PRPF6: variants seen among roughly 807,000 people sequenced by gnomAD.
The protein encoded by PRPF6 is pre-mRNA processing factor 6.
A neutral mutation model predicts 118.3 loss-of-function variants in PRPF6; 42 were observed. That is an observed-to-expected ratio of 0.35 (90% confidence interval 0.28 to 0.46). PRPF6 has a LOEUF of 0.46. Among genes scored for constraint, PRPF6 ranks in the 20% least tolerant of loss-of-function variants. The pLI is 1.00. For synonymous variants in PRPF6, 481 were observed against 485.1 expected, an observed-to-expected ratio of 0.99 and a Z score of 0.11; for missense variants, 662 against 1,255.7, an observed-to-expected ratio of 0.53 and a Z score of 7.15.
chr20:63,985,820 C>T (rs954417511), intron 3 of PRPF6, among the ~76,000 whole-genome samples: 1 of 152,054 alleles, frequency 6.6e-6, no homozygotes, highest in African/African-American at 2.4e-5. Context: ...TGAATTTTAC[C>T]AAATATTTGA....
rs540104056 is a variant in PRPF6 at position 64,013,326 on chromosome 20, A to G, written c.1524+1823A>G. Reference sequence around the variant, plus strand: ...TGGGTTCCCTCTAATGCCTTCTTTTAAGGAGTCACCCACTGAGTTATGTTT... The same window carrying G: ...TGGGTTCCCTCTAATGCCTTCTTTTGAGGAGTCACCCACTGAGTTATGTTT... On this transcript the variant is annotated intron_variant, in intron 11 of 20. Coordinates refer to ENST00000266079, the MANE Select transcript of PRPF6 (RefSeq NM_012469.4). Among the ~76,000 whole-genome samples, 4 of 152,332 alleles carry G rather than the reference A, an allele frequency of 2.6e-5. No homozygotes were observed. The East Asian group carries it at 7.7e-4, about 29-fold the overall frequency.
At chr20:63,985,652 G>C (rs1414610126) in intron 3 of PRPF6, among the ~76,000 whole-genome samples, 1 of 152,192 alleles carries the variant, frequency 6.6e-6, no homozygotes, top group Non-Finnish European at 1.5e-5. Flanking sequence ...TGAGTAATTT[G>C]CAAATGAATT....
At chr20:64,014,889 G>C (rs1447569255) in intron 11 of PRPF6, among the ~76,000 whole-genome samples, 1 of 152,172 alleles carries the variant, frequency 6.6e-6, no homozygotes, top group East Asian at 1.9e-4. Context: ...TGCTTCTACT[G>C]AGCGTGGTGG....
In PRPF6 at chr20:64,028,411, C is replaced by T. The variant is rs1174801560; in HGVS notation, c.2340-67C>T. 2 of 1,552,754 alleles carry T rather than the reference C, an allele frequency of 1.3e-6. No homozygotes were observed. Among genetic ancestry groups the T allele is most frequent in the Non-Finnish European group, 1.8e-6 (2 of 1,125,776 alleles). On this transcript the variant is annotated intron_variant, in intron 17 of 20. Transcript: ENST00000266079. The surrounding 1 kb of genome is among the most constrained non-coding windows in gnomAD (Gnocchi z 6.5). ...GGAGAGCCCTTTCAGACAAGGCTTC[C>T]CAGAAGCTACCAGAATATGTGCTGT... is the stretch of plus-strand genomic sequence containing the variant.
In PRPF6 at chr20:64,027,408, C is replaced by T. The variant is rs561321215; in HGVS notation, c.2206-195C>T. Among the ~76,000 whole-genome samples the T allele has an allele frequency of 8.5e-5, 13 of 152,318 alleles. No homozygotes were observed. The East Asian group carries it at 2.1e-3, about 25-fold the overall frequency. On this transcript the variant is annotated intron_variant, in intron 16 of 20. Transcript: ENST00000266079. The surrounding 1 kb of genome is among the most constrained non-coding windows in gnomAD (Gnocchi z 6.5). ...CACCTGCAGTAAAGGCTGGTACGTA[C>T]AGACCTGTGTGCACAGGTCCACAGC...
chr20:64,008,438 A>G (rs1443499087), intron 9 of PRPF6, among the ~76,000 whole-genome samples: 1 of 149,692 alleles, frequency 6.7e-6, no homozygotes, highest in African/African-American at 2.5e-5. Flanking sequence ...TTCTTTTTTT[A>G]TCAAGGAAAT....
Position 63,990,713 on chromosome 20 carries a change from C to T in PRPF6, c.360-2694C>T, listed in dbSNP as rs558323287. Among the ~76,000 whole-genome samples, 121 of 151,492 alleles carry T rather than the reference C, an allele frequency of 8.0e-4. 1 individual carries two copies. Among genetic ancestry groups the T allele is most frequent in the African/African-American group, 2.8e-3 (115 of 41,260 alleles). Reference sequence around the variant, plus strand: ...AGGCTGGAGTGCAATGGCGCAACCTCGGCTTACTGCAACCTCCGCCTCCAG... The same window carrying T: ...AGGCTGGAGTGCAATGGCGCAACCTTGGCTTACTGCAACCTCCGCCTCCAG... On this transcript the variant is annotated intron_variant, in intron 3 of 20. Transcript: ENST00000266079.
At chr20:63,997,163 C>T (rs932433670) in intron 6 of PRPF6, among the ~76,000 whole-genome samples, 4 of 152,124 alleles carry the variant, frequency 2.6e-5, no homozygotes, top group Non-Finnish European at 4.4e-5. Flanking sequence ...TGGCATCCAC[C>T]GTTCTCTCTG....
At chr20:64,007,554 C>G (rs2059196492) in intron 9 of PRPF6, among the ~76,000 whole-genome samples, 1 of 151,470 alleles carries the variant, frequency 6.6e-6, no homozygotes, top group Non-Finnish European at 1.5e-5. Context: ...GCAACCTCCA[C>G]CTCCTGGGCT....
At position 63,984,924 on chromosome 20, in the gene PRPF6, G is replaced by A; in HGVS notation, c.258G>A (p.Gly86=). The change falls in exon 3 of 21, where the codon GGG becomes GGA. Residue 86 remains glycine, a synonymous_variant. Transcript: ENST00000266079. The part of the protein sequence containing the change: ...TNYDEFNGYA[G]SLFSSGPYEK... ...CTTCTCAGTTTAATGGCTATGCTGG[G>A]AGCCTCTTCTCAAGTGGACCCTACG... is the stretch of plus-strand genomic sequence containing the variant. 1.2e-6 allele frequency: 2 copies of A among 1,613,566 alleles called. No homozygotes were observed. Among genetic ancestry groups the A allele is most frequent in the Non-Finnish European group, 1.7e-6 (2 of 1,179,618 alleles).
Position 63,982,929 on chromosome 20 carries a change from C to G in PRPF6, c.72-118C>G, listed in dbSNP as rs749839642. 366 of 1,234,938 alleles carry G rather than the reference C, an allele frequency of 3.0e-4. 1 individual carries two copies. Among genetic ancestry groups the G allele is most frequent in the Non-Finnish European group, 3.9e-4 (341 of 870,184 alleles). 76.5% of individuals were successfully genotyped at this position (1,234,938 alleles called of 1,614,324 possible). ...GACTGCAGTTCATTGTCACCAGGAT[C>G]TTTGGAGGTTTCCCAAAGGTGTTAG... On this transcript the variant is annotated intron_variant, in intron 1 of 20. Coordinates refer to ENST00000266079, the MANE Select transcript of PRPF6 (RefSeq NM_012469.4).
chr20:64,011,621 A>T lies in PRPF6; in HGVS notation c.1524+118A>T. On this transcript the variant is annotated intron_variant, in intron 11 of 20. Coordinates refer to ENST00000266079, the MANE Select transcript of PRPF6 (RefSeq NM_012469.4). The surrounding 1 kb of genome is among the most constrained non-coding windows in gnomAD (Gnocchi z 6.7). ...CTGGGGAGTCCTGTGCCAAACCAGA[A>T]GCAGGCACAGGTGTGAATGGGCCCT... 1 of 1,164,050 alleles carries T rather than the reference A, an allele frequency of 8.6e-7. No individual in the cohort carries two copies. The highest frequency in any genetic ancestry group is 1.2e-6 in the Non-Finnish European group (1 of 809,182). The allele number at this position is 1,164,050 out of a possible 1,614,324, so 72.1% of individuals were successfully genotyped here.
Position 64,022,850 on chromosome 20 carries a change from G to A in PRPF6, c.1741G>A (p.Ala581Thr), listed in dbSNP as rs756016737. 7 of 1,613,910 alleles carry A rather than the reference G, an allele frequency of 4.3e-6. No individual in the cohort carries two copies. The highest frequency in any genetic ancestry group is 3.3e-5 in the South Asian group (3 of 91,086). The change falls in exon 13 of 21, where the codon GCG becomes ACG. Residue 581 changes from alanine to threonine, a missense_variant. By Grantham distance (58) the Ala-to-Thr change is moderately conservative. Transcript: ENST00000266079. The stretch of plus-strand genomic sequence containing the variant: ...CAAGAAGAGTGTGTGGCTGCGCGCC[G>A]CGTACTTCGAGAAGAACCATGGCAC... ...PSKKSVWLRA[A>T]YFEKNHGTRE...
intron 20 of PRPF6, 138 bp downstream of exon 20, chr20:64,032,182 G>C: frequency 7.2e-7 from 1 of 1,380,492 alleles, no homozygotes; most frequent in Non-Finnish European, 1.0e-6. Context: ...GGGTGTGTGG[G>C]GCACAGAATC....
intron 12 of PRPF6, among the ~76,000 whole-genome samples, chr20:64,021,503 CTGTG>C (rs1200873255): frequency 8.3e-6 from 1 of 121,094 alleles, no homozygotes; most frequent in Non-Finnish European, 1.7e-5. Context: ...AGCCCTGTGT[CTGTG>C]TGTGTGCATG....
chr20:64,031,291 G>GT (rs2059312677), intron 19 of PRPF6, among the ~76,000 whole-genome samples: 1 of 152,262 alleles, frequency 6.6e-6, no homozygotes, highest in African/African-American at 2.4e-5. Context: ...CAAAGTTGCA[G>GT]TTTAATTTTG....
Position 64,026,460 on chromosome 20 carries a change from C to A in PRPF6, c.2028+402C>A, listed in dbSNP as rs1435169197. Among the ~76,000 whole-genome samples, 1 of 152,018 alleles carries A rather than the reference C, an allele frequency of 6.6e-6. No individual in the cohort carries two copies. Among genetic ancestry groups the A allele is most frequent in the East Asian group, 1.9e-4 (1 of 5,170 alleles). On this transcript the variant is annotated intron_variant, in intron 15 of 20. Coordinates refer to ENST00000266079, the MANE Select transcript of PRPF6 (RefSeq NM_012469.4). The surrounding 1 kb of genome is among the most constrained non-coding windows in gnomAD (Gnocchi z 4.4). ...GGTGGAGGTTGCGGTGAGCTGAGAT[C>A]GCGCCACTGCACTCCAGCCTGGGCA...
intron 8 of PRPF6, 138 bp from the exon 9 acceptor site, chr20:64,000,939 C>A: frequency 2.4e-6 from 2 of 825,976 alleles, no homozygotes; most frequent in Non-Finnish European, 4.0e-6. Context: ...ACTCCTGGTG[C>A]AGGTGTGTTA....
At position 64,011,470 on chromosome 20, in the gene PRPF6, C is replaced by T. The variant is rs530473195; in HGVS notation, c.1491C>T (p.Asn497=). ...IDRAITSLRA[N]GVEINREQWI... ...GAGCCATCACCTCGCTGCGGGCCAACGGTGTGGAGATCAACCGTGAGCAGT... is the reference window on the plus strand; with the variant it reads ...GAGCCATCACCTCGCTGCGGGCCAATGGTGTGGAGATCAACCGTGAGCAGT... Residue 497 remains asparagine, a synonymous_variant, in exon 11 of 21, where the codon AAC becomes AAT. Transcript: ENST00000266079. This position sits in a 1 kb window ranked among gnomAD's most constrained non-coding sequence, Gnocchi z 6.7. 2.0e-5 allele frequency: 33 copies of T among 1,613,590 alleles called. No individual in the cohort carries two copies. The highest frequency in any genetic ancestry group is 2.4e-5 in the Non-Finnish European group (28 of 1,180,014).
Sources: gnomAD v4.1 joint callset for allele counts (sites outside exome capture counted in the v4.1 genomes callset) on GRCh38, gnomAD v4.1.1 for gene constraint, Gnocchi (gnomAD v3.1) non-coding constraint, MANE v1.5 for transcripts, NCBI Gene and HGNC (gene_info 2026-07-23, HGNC 2026-07-21) for gene names.